CUX1: variants seen among roughly 807,000 people sequenced by gnomAD.
CUX1 encodes the protein cut like homeobox 1, also known as protein CASP.
A neutral mutation model predicts 158.8 loss-of-function variants in CUX1; 31 were observed. That is an observed-to-expected ratio of 0.20 (90% CI 0.15 to 0.26). The LOEUF is 0.26. CUX1 is among the 10% of genes least tolerant of loss of function. The pLI, the probability that CUX1 is intolerant of heterozygous loss-of-function variation, is 1.00. For missense variants in CUX1, 1,589 were observed against 2,014.6 expected (o/e 0.79, Z 4.04); for synonymous variants, 879 against 862.1 (o/e 1.02, Z -0.34).
chr7:102,001,294 A>C (rs1036040965), intron 2 of CUX1, among the ~76,000 whole-genome samples: 1 of 151,994 alleles, frequency 6.6e-6, no homozygotes, highest in African/African-American at 2.4e-5. Flanking sequence ...TAACCAAAAT[A>C]ATGTTGAATT....
intron 20 of CUX1, among the ~76,000 whole-genome samples, chr7:102,212,862 G>T (rs7811790): frequency 0.027 from 4,040 of 152,208 alleles, 205 homozygotes; most frequent in African/African-American, 0.093. Context: ...GTGTACATGT[G>T]TGAGAGGGAG....
chr7:102,026,890 G>A (rs1820101239), intron 2 of CUX1, among the ~76,000 whole-genome samples: 1 of 148,192 alleles, frequency 6.7e-6, no homozygotes, highest in African/African-American at 2.5e-5. Context: ...TATTATCTTA[G>A]TCGAGTCTTT....
At chr7:101,928,380 T>C (rs1585007733) in intron 2 of CUX1, among the ~76,000 whole-genome samples, 1 of 150,760 alleles carries the variant, frequency 6.6e-6, no homozygotes, top group African/African-American at 2.4e-5. Context: ...TTTTTCTTTT[T>C]TTTTTTTTGA....
At chr7:102,008,141 C>G (rs192157520) in intron 2 of CUX1, among the ~76,000 whole-genome samples, 1 of 152,258 alleles carries the variant, frequency 6.6e-6, no homozygotes, top group African/African-American at 2.4e-5. Context: ...TGAAGCAGAC[C>G]CTGGTCTGGT....
intron 2 of CUX1, among the ~76,000 whole-genome samples, chr7:101,983,447 G>GC (rs1813743989): frequency 6.6e-6 from 1 of 152,180 alleles, no homozygotes; most frequent in Admixed American, 6.5e-5. Flanking sequence ...ACCCTGGGGT[G>GC]CCCTGGGCCC....
chr7:101,835,594 G>A (rs939957568), intron 1 of CUX1, among the ~76,000 whole-genome samples: 2 of 152,080 alleles, frequency 1.3e-5, no homozygotes, highest in East Asian at 1.9e-4. Flanking sequence ...TTTTGTGGGT[G>A]CGTATATTTA....
rs75710747 is a variant in CUX1 at position 102,099,489 on chromosome 7, T to C, written c.406+1988T>C. Among the ~76,000 whole-genome samples the C allele has an allele frequency of 2.7e-3, 406 of 150,912 alleles. 1 individual carries two copies. Among genetic ancestry groups the C allele is most frequent in the Middle Eastern group, 0.01 (3 of 294 alleles). ...GGAGTATCCTGGTTTTTTTTTTTTT[T>C]CCCCTTCATTGTCCTCTGGTATCTA... On this transcript the variant is annotated intron_variant, in intron 5 of 23. Transcript: ENST00000292535.
At chr7:101,958,841 G>GC (rs1236230692) in intron 2 of CUX1, among the ~76,000 whole-genome samples, 1 of 116,004 alleles carries the variant, frequency 8.6e-6, no homozygotes, top group Non-Finnish European at 1.8e-5. Flanking sequence ...AGGAGATGAT[G>GC]CCCTTTTTTT....
chr7:101,839,852 C>A lies in CUX1; in HGVS notation c.30+22183C>A, dbSNP rs1366132937. Among the ~76,000 whole-genome samples, 3 of 152,154 alleles carry A rather than the reference C, an allele frequency of 2.0e-5. No individual in the cohort carries two copies. The East Asian group carries it at 5.8e-4, about 29-fold the overall frequency. ...TCTTGGCTCACTTCAGCCTCTGCCACCTGGGTTCAAGCGATTCTCCTGGCT... is the reference window on the plus strand; with the variant it reads ...TCTTGGCTCACTTCAGCCTCTGCCAACTGGGTTCAAGCGATTCTCCTGGCT... On this transcript the variant is annotated intron_variant, in intron 1 of 23. Coordinates refer to ENST00000292535, the MANE Select transcript of CUX1 (RefSeq NM_181552.4).
intron 8 of CUX1, among the ~76,000 whole-genome samples, chr7:102,132,987 C>T (rs116425383): frequency 0.015 from 2,296 of 152,176 alleles, 48 homozygotes; most frequent in African/African-American, 0.051. Context: ...TGTTTTTCGT[C>T]TCTTGGTCTC....
intron 4 of CUX1, among the ~76,000 whole-genome samples, chr7:102,079,502 A>G (rs1554477799): frequency 6.6e-6 from 1 of 152,050 alleles, no homozygotes; most frequent in African/African-American, 2.4e-5. Context: ...TCATGCCAAG[A>G]AGTTCATCAA....
chr7:102,064,817 C>T (rs1825360874), intron 3 of CUX1, among the ~76,000 whole-genome samples: 1 of 151,912 alleles, frequency 6.6e-6, no homozygotes, highest in Non-Finnish European at 1.5e-5. Flanking sequence ...GGCTGGCAGT[C>T]AAAGCCCAGG....
chr7:102,275,466 G>C (rs1477996848), intron 17 of CUX1: 1 of 900,716 alleles, frequency 1.1e-6, no homozygotes, highest in African/African-American at 1.7e-5. Context: ...AACCTCAGGG[G>C]GAAGAGATTT....
intron 4 of CUX1, among the ~76,000 whole-genome samples, chr7:102,091,689 C>T (rs1449373494): frequency 2.0e-5 from 3 of 152,126 alleles, no homozygotes; most frequent in Admixed American, 6.6e-5. Flanking sequence ...AAGCTTAAAA[C>T]TCTTACATGC....
intron 3 of CUX1, among the ~76,000 whole-genome samples, chr7:102,045,250 A>G (rs779803445): frequency 1.3e-5 from 2 of 152,250 alleles, no homozygotes; most frequent in Non-Finnish European, 2.9e-5. Context: ...CTAACCTTGC[A>G]TAACATAGGA....
At chr7:102,070,774 C>T (rs1468353814) in intron 4 of CUX1, among the ~76,000 whole-genome samples, 1 of 152,140 alleles carries the variant, frequency 6.6e-6, no homozygotes, top group Non-Finnish European at 1.5e-5. Flanking sequence ...CCAAAGCCAC[C>T]TTTAAGACTT....
chr7:102,140,986 T>C (rs1352292016), intron 8 of CUX1, among the ~76,000 whole-genome samples: 6 of 152,092 alleles, frequency 3.9e-5, no homozygotes, highest in African/African-American at 7.2e-5. Context: ...GTGAACTTCC[T>C]TTGTGGTATT....
At chr7:102,156,979 G>A (rs1403601057) in intron 8 of CUX1, among the ~76,000 whole-genome samples, 1 of 152,234 alleles carries the variant, frequency 6.6e-6, no homozygotes, top group African/African-American at 2.4e-5. Flanking sequence ...GAGAGGGTCT[G>A]GGAAGGGTGG....
rs1792669363 is a variant in CUX1 at position 102,178,660 on chromosome 7, A to G, written c.1017+3A>G. 6.2e-7 allele frequency: 1 copy of G among 1,604,330 alleles called. No homozygotes were observed. On this transcript the variant is annotated splice_donor_region_variant and intron_variant, in intron 11 of 23. Coordinates refer to ENST00000292535, the MANE Select transcript of CUX1 (RefSeq NM_181552.4). ...GCGCCAAAAACAGCACACTCAAAGT[A>G]AGGGGGCTGCGGGGCCCGGGGGTGG...
Sources: gnomAD v4.1 joint callset for allele counts (sites outside exome capture counted in the v4.1 genomes callset) on GRCh38, gnomAD v4.1.1 for gene constraint, MANE v1.5 for transcripts, NCBI Gene and HGNC (gene_info 2026-07-23, HGNC 2026-07-21) for gene names.